The following STIP1 variants were observed in gnomAD, a reference collection of about 807,000 sequenced individuals.
STIP1 encodes the protein stress-induced-phosphoprotein 1.
A neutral mutation model predicts 77.4 loss-of-function variants in STIP1; 16 were observed. The observed-to-expected ratio is 0.21, with a 90% CI of 0.14 to 0.31. The LOEUF (loss-of-function observed/expected upper bound fraction) is 0.31. STIP1 is among the 10% of genes least tolerant of loss of function. The pLI, the probability that STIP1 is intolerant of heterozygous loss-of-function variation, is 1.00. For synonymous variants in STIP1, 258 were observed against 246.6 expected, an observed-to-expected ratio of 1.05 and a Z score of -0.44; for missense variants, 524 against 684.8, an observed-to-expected ratio of 0.77 and a Z score of 2.62.
chr11:64,193,446 G>T (rs1591007710), intron 2 of STIP1, 159 bp downstream of exon 2: 1 of 673,188 alleles, frequency 1.5e-6, no homozygotes. Context: ...CAAATCTAAG[G>T]TAGCCATTAG....
chr11:64,185,771 G>C, upstream of STIP1: 1 of 1,531,236 alleles, frequency 6.5e-7, no homozygotes. Context: ...AGCGCAAAGA[G>C]TTGGCAACCC....
chr11:64,186,016 G>C, upstream of STIP1: 1 of 1,544,550 alleles, frequency 6.5e-7, no homozygotes, highest in Non-Finnish European at 8.7e-7. Context: ...GTGCGGGGGA[G>C]GCAGGGTTGA....
At chr11:64,194,817 A>G (rs1299281217) in intron 4 of STIP1, among the ~76,000 whole-genome samples, 197 bp downstream of exon 4, 1 of 152,140 alleles carries the variant, frequency 6.6e-6, no homozygotes, top group Non-Finnish European at 1.5e-5. Context: ...GTAATCTAGA[A>G]TGTTCTTTGT....
At chr11:64,195,989 G>C in intron 5 of STIP1, 176 bp downstream of exon 5, 1 of 814,690 alleles carries the variant, frequency 1.2e-6, no homozygotes, top group East Asian at 2.7e-5. Context: ...CGATGCTCCT[G>C]CTTCAGCTAG....
intron 1 of STIP1, among the ~76,000 whole-genome samples, chr11:64,187,621 A>C (rs1946039413): frequency 6.6e-6 from 1 of 152,158 alleles, no homozygotes; most frequent in Non-Finnish European, 1.5e-5. Flanking sequence ...GTGCCCATAT[A>C]ATATTTCAGT....
intron 1 of STIP1, among the ~76,000 whole-genome samples, chr11:64,189,103 C>T (rs1267728368): frequency 6.6e-6 from 1 of 152,210 alleles, no homozygotes; most frequent in Non-Finnish European, 1.5e-5. Flanking sequence ...TGGCTCACGC[C>T]TGTAATCCCA....
At position 64,204,045 on chromosome 11, in the gene STIP1, C is replaced by T. The variant is rs1946254524; in HGVS notation, c.1560-9C>T. 3.7e-6 allele frequency: 6 copies of T among 1,614,096 alleles called. No homozygotes were observed. In the East Asian group the frequency reaches 1.3e-4, roughly 36 times the overall value. On this transcript the variant is annotated splice_polypyrimidine_tract_variant and intron_variant, in intron 13 of 13. Transcript: ENST00000305218. ...GTCTCATTTCAAGTAACTGCGTCTT[C>T]CTCTGTAGACACTTAAAGAATCCTG...
At chr11:64,186,067 T>TG, upstream of STIP1, 1 of 1,547,412 alleles carries the variant, frequency 6.5e-7, no homozygotes, top group East Asian at 2.4e-5. Context: ...GAAGTGGAGA[T>TG]GATGGGCTGG....
upstream of STIP1, chr11:64,185,992 C>G: frequency 1.3e-6 from 2 of 1,541,676 alleles, no homozygotes; most frequent in Non-Finnish European, 8.7e-7. Flanking sequence ...TATAGAGGAG[C>G]GCCCAATCCT....
intron 10 of STIP1, among the ~76,000 whole-genome samples, chr11:64,201,938 G>C (rs1234541030): frequency 2.0e-5 from 3 of 152,240 alleles, no homozygotes; most frequent in African/African-American, 4.8e-5. Flanking sequence ...GTTTCAAAGA[G>C]AAGAATACAT....
intron 10 of STIP1, among the ~76,000 whole-genome samples, chr11:64,200,506 C>T (rs1228364428): frequency 6.6e-6 from 1 of 151,294 alleles, no homozygotes; most frequent in Non-Finnish European, 1.5e-5. Context: ...GAGTTGGGGT[C>T]TTGCTGTGTT....
At chr11:64,185,778 ACC>A (rs771134862), upstream of STIP1, 78 of 1,531,842 alleles carry the variant, frequency 5.1e-5, no homozygotes, top group African/African-American at 1.0e-3. Context: ...AGAGTTGGCA[ACC>A]CTCCGCCCAA....
chr11:64,185,682 C>T (rs1946003183), upstream of STIP1: 3 of 1,191,124 alleles, frequency 2.5e-6, no homozygotes, highest in Non-Finnish European at 3.5e-6. Context: ...AGCTACAGAC[C>T]CCGACTGCAG....
intron 1 of STIP1, among the ~76,000 whole-genome samples, chr11:64,190,693 A>C (rs1268997485): frequency 1.3e-5 from 2 of 152,202 alleles, no homozygotes; most frequent in African/African-American, 4.8e-5. Context: ...TGACAACTCT[A>C]TCTCACAGAA....
chr11:64,200,589 TCG>T (rs1491475634), intron 10 of STIP1, among the ~76,000 whole-genome samples: 1 of 107,034 alleles, frequency 9.3e-6, no homozygotes, highest in East Asian at 2.5e-4. Context: ...ATCTAACTGG[TCG>T]TGTGTGTGTG....
chr11:64,193,070 C>A lies in STIP1; in HGVS notation c.10-8C>A. On this transcript the variant is annotated splice_region_variant and splice_polypyrimidine_tract_variant and intron_variant, in intron 1 of 13. Coordinates refer to ENST00000305218, the MANE Select transcript of STIP1 (RefSeq NM_006819.3). ...TCATAGAGAAGCTGTGTGTTCCTTT[C>A]CCCTCAGGTCAATGAGCTGAAGGAG... is the stretch of plus-strand genomic sequence containing the variant. 6.2e-7 allele frequency: 1 copy of A among 1,613,524 alleles called. No individual in the cohort carries two copies. The highest frequency in any genetic ancestry group is 8.5e-7 in the Non-Finnish European group (1 of 1,179,684).
In STIP1 at chr11:64,186,253, C is replaced by A. The variant is rs377220575; in HGVS notation, c.-9C>A. On this transcript the variant is annotated 5_prime_UTR_variant, in exon 1 of 14. Transcript: ENST00000305218. Reference sequence around the variant, plus strand: ...TTCGATTCAACGGGGTTCCGGACCGCGCTGCGCTATGGAGCAGGTGAAGGG... The same window carrying A: ...TTCGATTCAACGGGGTTCCGGACCGAGCTGCGCTATGGAGCAGGTGAAGGG... The A allele has an allele frequency of 3.4e-6, 5 of 1,462,200 alleles. No homozygotes were observed. The Admixed American group carries it at 1.0e-4, about 31-fold the overall frequency. 90.6% of individuals were successfully genotyped at this position (1,462,200 alleles called of 1,614,324 possible). A position where few individuals can be genotyped will look rare whatever the true frequency, so the allele number is the denominator to read the frequency against.
In STIP1 at chr11:64,203,598, A is replaced by G; in HGVS notation, c.1535A>G (p.Gln512Arg). The G allele has an allele frequency of 6.2e-7, 1 of 1,614,212 alleles. No homozygotes were observed. Among genetic ancestry groups the G allele is most frequent in the Non-Finnish European group, 8.5e-7 (1 of 1,180,036 alleles). ...PAMRLILEQM[Q>R]KDPQALSEHL... ...ATGCGCCTTATCCTGGAACAGATGC[A>G]GAAGGACCCCCAGGCACTCAGCGAG... is the stretch of plus-strand genomic sequence containing the variant. Residue 512 changes from glutamine (Q) to arginine (R), a missense_variant, in exon 13 of 14, where the codon CAG (glutamine) becomes CGG (arginine). Coordinates refer to ENST00000305218, the MANE Select transcript of STIP1 (RefSeq NM_006819.3).
At chr11:64,189,153 G>C (rs957399390) in intron 1 of STIP1, among the ~76,000 whole-genome samples, 1 of 152,214 alleles carries the variant, frequency 6.6e-6, no homozygotes, top group African/African-American at 2.4e-5. Context: ...ACGAGGTCAG[G>C]AGCTCAAGAC....
Sources: allele counts gnomAD v4.1 joint callset (sites outside exome capture counted in the v4.1 genomes callset), GRCh38; gene constraint gnomAD v4.1.1; transcripts MANE v1.5; gene names NCBI Gene and HGNC (gene_info 2026-07-23, HGNC 2026-07-21).